EYS: variants seen among roughly 807,000 people sequenced by gnomAD.
EYS encodes EGF-like photoreceptor maintenance factor, also known as protein eyes shut homolog.
EYS carries 250 observed loss-of-function variants against 282.1 expected under a neutral mutation model. The observed-to-expected ratio is 0.89, with a 90% CI of 0.80 to 0.98. The LOEUF (loss-of-function observed/expected upper bound fraction) is 0.98. EYS is among the 50% of genes least tolerant of loss of function. The probability of loss-of-function intolerance (pLI) is 0.00; values close to 1 mark genes in which losing one functional copy is unlikely to be tolerated. For missense variants in EYS, 4,016 were observed against 3,709.0 expected (o/e 1.08, Z -2.15); for synonymous variants, 1,355 against 1,282.9 (o/e 1.06, Z -1.20).
At chr6:64,797,343 A>C (rs1403512092) in intron 22 of EYS, among the ~76,000 whole-genome samples, 1 of 152,044 alleles carries the variant, frequency 6.6e-6, no homozygotes, top group Non-Finnish European at 1.5e-5. Context: ...GAAGGTTCCC[A>C]GTTCGGAGAT....
At chr6:64,134,355 C>G (rs144918326) in intron 31 of EYS, among the ~76,000 whole-genome samples, 78 of 151,400 alleles carry the variant, frequency 5.2e-4, no homozygotes, top group African/African-American at 1.8e-3. Flanking sequence ...TTTCAAATCT[C>G]CAGACTAAGG....
At chr6:64,492,057 T>C (rs1300489365) in intron 26 of EYS, among the ~76,000 whole-genome samples, 1 of 151,180 alleles carries the variant, frequency 6.6e-6, no homozygotes, top group African/African-American at 2.4e-5. Context: ...ATTGTTAACT[T>C]TGACAATTGA....
rs532992296 is a variant in EYS at position 65,443,325 on chromosome 6, T to C, written c.863-37958A>G. Among the ~76,000 whole-genome samples the C allele has an allele frequency of 5.6e-4, 74 of 131,824 alleles. 3 individuals are homozygous for C. The highest frequency in any genetic ancestry group is 1.7e-3 in the African/African-American group (69 of 40,024). The allele number at this position is 131,824 out of a possible 152,430, so 86.5% of individuals were successfully genotyped here. On this transcript the variant is annotated intron_variant, in intron 5 of 42. Coordinates refer to ENST00000503581, the MANE Select transcript of EYS (RefSeq NM_001142800.2). ...ATGTGTGTACACATATAGACATATA[T>C]GCATACATGTATGTACACATATAGA...
At chr6:64,558,684 A>T (rs1192735772) in intron 26 of EYS, among the ~76,000 whole-genome samples, 1 of 152,222 alleles carries the variant, frequency 6.6e-6, no homozygotes, top group Non-Finnish European at 1.5e-5. Flanking sequence ...TCTTTACAGC[A>T]GACATCATGT....
At chr6:63,734,210 A>G (rs566774542) in intron 41 of EYS, among the ~76,000 whole-genome samples, 2 of 152,280 alleles carry the variant, frequency 1.3e-5, no homozygotes, top group South Asian at 4.1e-4. Flanking sequence ...TTGTACCTCC[A>G]ACCTTAGAAT....
intron 26 of EYS, among the ~76,000 whole-genome samples, chr6:64,500,015 A>C (rs551668873): frequency 6.6e-6 from 1 of 152,244 alleles, no homozygotes; most frequent in Admixed American, 6.5e-5. Flanking sequence ...AGAGGGCTTA[A>C]AAATCAAGTA....
Position 64,230,813 on chromosome 6 carries a change from A to G in EYS, c.6203T>C (p.Phe2068Ser). ...AAAGGAGGCTGTTGGAGACAGCATA[A>G]ATCCCTGGGATCTGTGATTTATAAA... is the stretch of plus-strand genomic sequence containing the variant. ...YHINNCRSQG[F>S]MLSPTASFVD... Residue 2068 changes from phenylalanine to serine, a missense_variant, in exon 31 of 43, where the codon TTT (phenylalanine) becomes TCT (serine). Transcript: ENST00000503581. 1 of 1,539,732 alleles carries G rather than the reference A, an allele frequency of 6.5e-7. No individual in the cohort carries two copies. Among genetic ancestry groups the G allele is most frequent in the Non-Finnish European group, 8.8e-7 (1 of 1,137,142 alleles).
chr6:64,289,048 G>T (rs1768604824), intron 30 of EYS, among the ~76,000 whole-genome samples: 2 of 151,974 alleles, frequency 1.3e-5, no homozygotes, highest in Admixed American at 1.3e-4. Context: ...CATCTAAAAT[G>T]CATATCTTAA....
At chr6:64,899,184 T>A (rs1767570503) in intron 18 of EYS, among the ~76,000 whole-genome samples, 1 of 152,084 alleles carries the variant, frequency 6.6e-6, no homozygotes, top group Admixed American at 6.6e-5. Context: ...GCACTTATTC[T>A]AAAATCGACC....
chr6:64,926,401 A>C (rs1768518244), intron 15 of EYS, among the ~76,000 whole-genome samples: 1 of 152,170 alleles, frequency 6.6e-6, no homozygotes, highest in Non-Finnish European at 1.5e-5. Context: ...ATTGATGCCC[A>C]GTTCTAGGAG....
chr6:64,647,923 A>G (rs930110605), intron 22 of EYS, among the ~76,000 whole-genome samples: 3 of 152,216 alleles, frequency 2.0e-5, no homozygotes, highest in African/African-American at 7.2e-5. Context: ...TAAGGAAAAA[A>G]CATGCTTCCG....
At position 64,619,471 on chromosome 6, in the gene EYS, C is replaced by T. The variant is rs1300706393; in HGVS notation, c.3569-1938G>A. On this transcript the variant is annotated intron_variant, in intron 23 of 42. Coordinates refer to ENST00000503581, the MANE Select transcript of EYS (RefSeq NM_001142800.2). ...TGGGAGCAGGAACATTTTTAAAGGC[C>T]AGGTGAGCTAACAGAAAAGTACCAG... Among the ~76,000 whole-genome samples, 3 of 151,818 alleles carry T rather than the reference C, an allele frequency of 2.0e-5. No homozygotes were observed. In the East Asian group the frequency reaches 5.8e-4, roughly 29 times the overall value.
chr6:63,817,384 G>A (rs1049843403), intron 36 of EYS, among the ~76,000 whole-genome samples: 1 of 152,186 alleles, frequency 6.6e-6, no homozygotes. Flanking sequence ...CCCAAGAGCT[G>A]CAACCTCCTG....
chr6:64,900,010 A>G (rs986147578), intron 18 of EYS, among the ~76,000 whole-genome samples: 1 of 152,210 alleles, frequency 6.6e-6, no homozygotes, highest in Admixed American at 6.5e-5. Context: ...CCAAAACAGC[A>G]TGGTGCTGGT....
At chr6:64,378,184 C>T (rs1427028684) in intron 29 of EYS, among the ~76,000 whole-genome samples, 1 of 151,994 alleles carries the variant, frequency 6.6e-6, no homozygotes, top group African/African-American at 2.4e-5. Flanking sequence ...ACATCAGTGA[C>T]AGTGAAGAAC....
At chr6:65,242,474 T>A (rs1272416210) in intron 12 of EYS, among the ~76,000 whole-genome samples, 1 of 152,142 alleles carries the variant, frequency 6.6e-6, no homozygotes, top group African/African-American at 2.4e-5. Context: ...TGTATCGCCA[T>A]CTAATCTTTC....
chr6:64,329,783 G>A (rs1299363535), intron 29 of EYS, among the ~76,000 whole-genome samples: 4 of 152,064 alleles, frequency 2.6e-5, no homozygotes, highest in South Asian at 2.1e-4. Flanking sequence ...ATTACCAGCC[G>A]GTACAGGATT....
At chr6:64,044,048 G>T (rs1283546732) in intron 33 of EYS, among the ~76,000 whole-genome samples, 1 of 152,160 alleles carries the variant, frequency 6.6e-6, no homozygotes, top group Non-Finnish European at 1.5e-5. Flanking sequence ...TGCTAATGAG[G>T]CACATGTTCA....
intron 29 of EYS, among the ~76,000 whole-genome samples, chr6:64,336,407 G>C (rs1232468534): frequency 6.6e-6 from 1 of 152,036 alleles, no homozygotes; most frequent in East Asian, 1.9e-4. Flanking sequence ...AAAGGGCCTT[G>C]TCCAACAGGA....
Sources: gnomAD v4.1 joint callset for allele counts (sites outside exome capture counted in the v4.1 genomes callset) on GRCh38, gnomAD v4.1.1 for gene constraint, MANE v1.5 for transcripts, NCBI Gene and HGNC (gene_info 2026-07-23, HGNC 2026-07-21) for gene names.